GTF2A1L: variants seen among roughly 807,000 people sequenced by gnomAD.
GTF2A1L encodes the protein general transcription factor IIA subunit 1 like, also known as TFIIA-alpha and beta-like factor.
GTF2A1L carries 48 observed loss-of-function variants against 49.7 expected under a neutral mutation model. That is an observed-to-expected ratio of 0.97 (90% CI 0.77 to 1.23). GTF2A1L has a LOEUF of 1.23. GTF2A1L is among the 50% of genes most tolerant of loss of function. GTF2A1L has a pLI of 0.00. For missense variants in GTF2A1L, 736 were observed against 564.8 expected, an observed-to-expected ratio of 1.30 and a Z score of -3.07; for synonymous variants, 246 against 193.5, an observed-to-expected ratio of 1.27 and a Z score of -2.25.
At chr2:48,651,976 A>G (rs987740048) in intron 6 of GTF2A1L, among the ~76,000 whole-genome samples, 1 of 152,178 alleles carries the variant, frequency 6.6e-6, no homozygotes, top group Admixed American at 6.5e-5. Flanking sequence ...ACTCCTGGCT[A>G]TTTTGGTCAA....
intron 8 of GTF2A1L, among the ~76,000 whole-genome samples, chr2:48,672,664 G>A (rs1679234639): frequency 6.6e-6 from 1 of 152,060 alleles, no homozygotes. Context: ...TCTAACTCTA[G>A]CAACTAAAAA....
intron 6 of GTF2A1L, among the ~76,000 whole-genome samples, chr2:48,667,351 A>T (rs1678910995): frequency 6.6e-6 from 1 of 152,166 alleles, no homozygotes; most frequent in Non-Finnish European, 1.5e-5. Context: ...TACTCTTCTT[A>T]TAGAGAGATA....
In GTF2A1L at chr2:48,646,991, A is replaced by G. The variant is rs767046673; in HGVS notation, c.927A>G (p.Val309=). 1.2e-6 allele frequency: 2 copies of G among 1,614,008 alleles called. No individual in the cohort carries two copies. Among genetic ancestry groups the G allele is most frequent in the South Asian group, 1.1e-5 (1 of 91,022 alleles). Residue 309 remains valine (V), a synonymous_variant, in exon 6 of 9, where the codon GTA becomes GTG. Transcript: ENST00000403751. ...ATAGGATGTATGGATGTGATTCTGT[A>G]AAGCAACCAAGAAATATAGAGGAAC... The part of the protein sequence containing the change: ...LKNRMYGCDS[V]KQPRNIEEPS...
chr2:48,674,325 G>C (rs755810491), intron 8 of GTF2A1L, among the ~76,000 whole-genome samples: 1 of 151,704 alleles, frequency 6.6e-6, no homozygotes, highest in Non-Finnish European at 1.5e-5. Context: ...TATCATTGCG[G>C]TTTTGATTTG....
chr2:48,655,996 G>A lies in GTF2A1L; in HGVS notation c.978+8954G>A, dbSNP rs1378512764. Among the ~76,000 whole-genome samples the A allele has an allele frequency of 5.9e-5, 9 of 152,130 alleles. 1 individual carries two copies. The highest frequency in any genetic ancestry group is 8.8e-5 in the Non-Finnish European group (6 of 68,026). Reference sequence around the variant, plus strand: ...TATCTCAGGGTTCATCCATGTTGTAGCATGTATCAGAACTTATCTCCTTGT... The same window carrying A: ...TATCTCAGGGTTCATCCATGTTGTAACATGTATCAGAACTTATCTCCTTGT... On this transcript the variant is annotated intron_variant, in intron 6 of 8. Coordinates refer to ENST00000403751, the MANE Select transcript of GTF2A1L (RefSeq NM_006872.5).
At chr2:48,656,350 T>G (rs1257532808) in intron 6 of GTF2A1L, among the ~76,000 whole-genome samples, 1 of 11,632 alleles carries the variant, frequency 8.6e-5, no homozygotes, top group Non-Finnish European at 2.6e-4. Context: ...TATTTTCTGT[T>G]TTTTTTTTTT....
At chr2:48,648,247 C>T (rs891593252) in intron 6 of GTF2A1L, among the ~76,000 whole-genome samples, 1 of 151,996 alleles carries the variant, frequency 6.6e-6, no homozygotes. Flanking sequence ...TTTAACATAA[C>T]ATATAACACT....
intron 5 of GTF2A1L, among the ~76,000 whole-genome samples, chr2:48,645,972 T>C (rs1677481463): frequency 6.6e-6 from 1 of 151,588 alleles, no homozygotes; most frequent in African/African-American, 2.4e-5. Context: ...TTTTATAGTG[T>C]TATTTTAGAG....
At chr2:48,654,565 G>A (rs1475137025) in intron 6 of GTF2A1L, among the ~76,000 whole-genome samples, 1 of 152,114 alleles carries the variant, frequency 6.6e-6, no homozygotes, top group Non-Finnish European at 1.5e-5. Context: ...TGTATTTTTA[G>A]TACAGACAGG....
In GTF2A1L at chr2:48,669,931, A is replaced by G. The variant is rs760694780; in HGVS notation, c.1188A>G (p.Ser396=). The change falls in exon 7 of 9, where the codon TCA becomes TCG. Residue 396 remains serine, a synonymous_variant. Transcript: ENST00000403751. ...CTGACAGTATTTCAAATGAGGATTC[A>G]GCCACAAACAGTAGTGATAATGAAG... ...EEADSISNED[S]ATNSSDNEDP... is the part of the protein sequence containing the mutation. 10 of 1,613,992 alleles carry G rather than the reference A, an allele frequency of 6.2e-6. No individual in the cohort carries two copies. In the African/African-American group the frequency reaches 1.2e-4, roughly 19 times the overall value.
At chr2:48,664,118 G>A (rs1485922915) in intron 6 of GTF2A1L, among the ~76,000 whole-genome samples, 1 of 151,934 alleles carries the variant, frequency 6.6e-6, no homozygotes, top group African/African-American at 2.4e-5. Context: ...TCTTCCCAGA[G>A]TGTTTTTTTT....
intron 6 of GTF2A1L, among the ~76,000 whole-genome samples, chr2:48,657,365 C>A (rs145379783): frequency 5.3e-5 from 8 of 152,178 alleles, no homozygotes; most frequent in African/African-American, 1.9e-4. Context: ...TTATGGTTTT[C>A]TGTTCCTGTG....
At position 48,629,548 on chromosome 2, in the gene GTF2A1L, T is replaced by C. The variant is rs1216625910; in HGVS notation, c.247+8258T>C. Among the ~76,000 whole-genome samples, 4 of 143,774 alleles carry C rather than the reference T, an allele frequency of 2.8e-5. 1 individual carries two copies. The highest frequency in any genetic ancestry group is 4.9e-5 in the African/African-American group (2 of 40,434). 94.3% of individuals were successfully genotyped at this position (143,774 alleles called of 152,430 possible). ...TGGGTCCCCAGGCTTGGTCTGTTTG[T>C]CTCAAGATTAGCCCCTAGAACTTCT... On this transcript the variant is annotated intron_variant, in intron 3 of 8. Coordinates refer to ENST00000403751, the MANE Select transcript of GTF2A1L (RefSeq NM_006872.5).
chr2:48,646,094 G>A (rs1039969738), intron 5 of GTF2A1L, among the ~76,000 whole-genome samples: 1 of 151,780 alleles, frequency 6.6e-6, no homozygotes, highest in Non-Finnish European at 1.5e-5. Context: ...ACATGATTAT[G>A]TTTGTTAAAA....
chr2:48,621,350 A>C, intron 3 of GTF2A1L, 60 bp downstream of exon 3: 3 of 1,610,248 alleles, frequency 1.9e-6, no homozygotes, highest in African/African-American at 1.3e-5. Flanking sequence ...CTCATTTGGG[A>C]ATGTTTTTCA....
intron 1 of GTF2A1L, 50 bp from the exon 2 acceptor site, chr2:48,620,801 A>G: frequency 1.0e-6 from 1 of 991,094 alleles, no homozygotes; most frequent in Non-Finnish European, 1.3e-6. Flanking sequence ...AAATAAATAA[A>G]TAAATAAATA....
At chr2:48,622,444 A>C (rs766074319) in intron 3 of GTF2A1L, among the ~76,000 whole-genome samples, 6 of 152,138 alleles carry the variant, frequency 3.9e-5, no homozygotes, top group Non-Finnish European at 7.3e-5. Context: ...TTCTCTGTTT[A>C]AATAACATTC....
intron 6 of GTF2A1L, among the ~76,000 whole-genome samples, chr2:48,664,957 G>C (rs1330583703): frequency 6.6e-6 from 1 of 151,988 alleles, no homozygotes; most frequent in African/African-American, 2.4e-5. Context: ...GGCTCACTCT[G>C]TTGCTCGGGC....
At chr2:48,643,121 T>G (rs1677294254) in intron 4 of GTF2A1L, among the ~76,000 whole-genome samples, 1 of 152,122 alleles carries the variant, frequency 6.6e-6, no homozygotes, top group Non-Finnish European at 1.5e-5. Flanking sequence ...TTTTTCAGAT[T>G]TTTTTTCCCC....
Sources: allele counts gnomAD v4.1 joint callset (sites outside exome capture counted in the v4.1 genomes callset), GRCh38; gene constraint gnomAD v4.1.1; transcripts MANE v1.5; gene names NCBI Gene and HGNC (gene_info 2026-07-23, HGNC 2026-07-21).